The following TAF15 variants were observed in gnomAD, a reference collection of about 807,000 sequenced individuals.
TAF15 encodes TATA-binding protein-associated factor 2N.
TAF15 carries 37 observed loss-of-function variants against 102.5 expected under a neutral mutation model. The observed-to-expected ratio is 0.36, with a 90% CI of 0.28 to 0.47. The LOEUF (loss-of-function observed/expected upper bound fraction) is 0.47. TAF15 is among the 20% of genes least tolerant of loss of function. The pLI is 0.99. For synonymous variants in TAF15, 273 were observed against 259.2 expected, an observed-to-expected ratio of 1.05 and a Z score of -0.51; for missense variants, 652 against 760.7, an observed-to-expected ratio of 0.86 and a Z score of 1.68.
chr17:35,836,032 A>G (rs1178215282), intron 9 of TAF15, 100 bp from the exon 10 acceptor site: 5 of 830,892 alleles, frequency 6.0e-6, no homozygotes, highest in Non-Finnish European at 9.9e-6. Flanking sequence ...TGGTCATAGA[A>G]ACAATTGAAT....
intron 11 of TAF15, among the ~76,000 whole-genome samples, chr17:35,839,846 T>C (rs2035230353): frequency 6.6e-6 from 1 of 152,134 alleles, no homozygotes; most frequent in Non-Finnish European, 1.5e-5. Flanking sequence ...TATTTTTCAT[T>C]TAACATTTAA....
In TAF15 at chr17:35,816,044, C is replaced by T. The variant is rs4251723; in HGVS notation, c.8-1672C>T. 2.6e-5 allele frequency among the ~76,000 whole-genome samples: 4 copies of T among 152,252 alleles called. No homozygotes were observed. In the East Asian group the frequency reaches 7.7e-4, roughly 29 times the overall value. On this transcript the variant is annotated intron_variant, in intron 1 of 15. Transcript: ENST00000605844. ...TGGTGCAATCATGACCCACTGCAGC[C>T]TCGACCTCCTGGGCTCAAGCAGTAC...
chr17:35,822,950 G>C, intron 6 of TAF15, 117 bp downstream of exon 6: 1 of 1,234,366 alleles, frequency 8.1e-7, no homozygotes, highest in South Asian at 1.3e-5. Flanking sequence ...GGGTAACCTT[G>C]AAGATATGTT....
At chr17:35,844,389 C>T in intron 14 of TAF15, 21 bp downstream of exon 14, 1 of 1,612,886 alleles carries the variant, frequency 6.2e-7, no homozygotes, top group South Asian at 1.1e-5. Context: ...CTTTTAATAG[C>T]ATCTGCATCG....
chr17:35,809,722 T>A, intron 1 of TAF15, 146 bp downstream of exon 1: 1 of 1,116,286 alleles, frequency 9.0e-7, no homozygotes, highest in Non-Finnish European at 1.3e-6. Flanking sequence ...GCCGCCGCCA[T>A]GTTGAACTGG....
At chr17:35,841,760 C>G (rs1170211619) in intron 11 of TAF15, among the ~76,000 whole-genome samples, 1 of 150,564 alleles carries the variant, frequency 6.6e-6, no homozygotes, top group Non-Finnish European at 1.5e-5. Context: ...CACAGTGGCA[C>G]GAAGATAGCT....
chr17:35,810,628 C>T (rs2087114104), intron 1 of TAF15: 1 of 152,188 alleles, frequency 6.6e-6, no homozygotes, highest in Non-Finnish European at 1.5e-5. Context: ...TTTCCTGAAA[C>T]CGTGTGGTTG....
chr17:35,844,746 C>T lies in TAF15; in HGVS notation c.1447C>T (p.Arg483Ter), dbSNP rs368600342. The T allele has an allele frequency of 1.2e-6, 2 of 1,605,124 alleles. No individual in the cohort carries two copies. The highest frequency in any genetic ancestry group is 1.7e-6 in the Non-Finnish European group (2 of 1,177,024). ...GDRGGGYGGDRGGYGGDRGGG... is the reference protein window; with the variant it reads ...GDRGGGYGGD The stretch of plus-strand genomic sequence containing the variant: ...CCGAGGAGGTGGCTATGGAGGAGAT[C>T]GAGGTGGCTATGGAGGAGACCGAGG... Residue 483 changes from arginine (R) to a stop codon, truncating the protein, a stop_gained, in exon 15 of 16, where the codon CGA becomes TGA. Transcript: ENST00000605844. LOFTEE classifies it high-confidence loss of function.
chr17:35,824,968 GT>G (rs1421781912), intron 7 of TAF15, among the ~76,000 whole-genome samples: 5 of 152,040 alleles, frequency 3.3e-5, no homozygotes. Context: ...CTCAGAAGAA[GT>G]TTGCAGGTTG....
chr17:35,844,445 C>A (rs2087584990), intron 14 of TAF15, 32 bp from the exon 15 acceptor site: 1 of 1,613,074 alleles, frequency 6.2e-7, no homozygotes, highest in African/African-American at 1.3e-5. Flanking sequence ...GTTGTTTCTG[C>A]TGGCCTCATT....
intron 7 of TAF15, among the ~76,000 whole-genome samples, chr17:35,825,773 C>T (rs1466413769): frequency 1.8e-4 from 27 of 151,972 alleles, no homozygotes; most frequent in Admixed American, 1.8e-3. Context: ...ACAGTGAAAC[C>T]CCGTCTCTAC....
intron 7 of TAF15, among the ~76,000 whole-genome samples, chr17:35,828,990 C>T (rs535415663): frequency 1.3e-5 from 2 of 152,142 alleles, no homozygotes; most frequent in African/African-American, 4.8e-5. Flanking sequence ...AATGCTGAAT[C>T]CAGAAAGCCT....
chr17:35,809,995 G>T (rs528204658), intron 1 of TAF15: 10 of 323,474 alleles, frequency 3.1e-5, no homozygotes, highest in South Asian at 2.9e-4. Flanking sequence ...CAGTCATCTC[G>T]CCGCCTCGTA....
At chr17:35,836,793 T>A (rs1289499428) in intron 10 of TAF15, among the ~76,000 whole-genome samples, 1 of 152,140 alleles carries the variant, frequency 6.6e-6, no homozygotes, top group Admixed American at 6.6e-5. Flanking sequence ...TCTTTTTTTT[T>A]TTTGAGACAG....
In TAF15 at chr17:35,839,677, C is replaced by T. The variant is rs372230363; in HGVS notation, c.913+1124C>T. On this transcript the variant is annotated intron_variant, in intron 11 of 15. Coordinates refer to ENST00000605844, the MANE Select transcript of TAF15 (RefSeq NM_139215.3). ...GATTACAGGCGTGAGCCACCGCACC[C>T]GGCCGAGATGCTTTTTTTAACAGAA... 4.7e-4 allele frequency among the ~76,000 whole-genome samples: 71 copies of T among 151,886 alleles called. 1 individual carries two copies. The highest frequency in any genetic ancestry group is 1.5e-3 in the African/African-American group (62 of 41,224).
rs777411937 is a variant in TAF15, at chr17:35,844,180, G to T, written c.1088+22G>T. 3.7e-6 allele frequency: 6 copies of T among 1,613,780 alleles called. No homozygotes were observed. The Admixed American group carries it at 6.7e-5, about 18-fold the overall frequency. On this transcript the variant is annotated intron_variant, in intron 13 of 15. Transcript: ENST00000605844. ...ATCCGTAAGTGTCTTGTTTACTTTG[G>T]TGAGAGTAGGGGTTGGGATTGGGGC...
At chr17:35,837,404 C>T (rs893982731) in intron 10 of TAF15, among the ~76,000 whole-genome samples, 2 of 150,690 alleles carry the variant, frequency 1.3e-5, no homozygotes, top group Non-Finnish European at 2.9e-5. Flanking sequence ...ATCCTCCCAC[C>T]TCAGCCTCCC....
intron 7 of TAF15, among the ~76,000 whole-genome samples, chr17:35,828,963 C>T (rs192159796): frequency 2.6e-4 from 39 of 152,232 alleles, no homozygotes; most frequent in Non-Finnish European, 4.4e-4. Flanking sequence ...GATTCTTGGC[C>T]TCCTGAGATG....
chr17:35,814,562 GC>G (rs1389304120), intron 1 of TAF15, among the ~76,000 whole-genome samples: 2 of 151,728 alleles, frequency 1.3e-5, no homozygotes, highest in Non-Finnish European at 1.5e-5. Context: ...ACTTTTGTGT[GC>G]CTAATAATAT....
Sources: gnomAD v4.1 joint callset for allele counts (sites outside exome capture counted in the v4.1 genomes callset) on GRCh38, gnomAD v4.1.1 for gene constraint, MANE v1.5 for transcripts, NCBI Gene and HGNC (gene_info 2026-07-23, HGNC 2026-07-21) for gene names.